TMEM233: variants seen among roughly 807,000 people sequenced by gnomAD.
TMEM233 encodes the protein dispanin subfamily B member 2.
Under a neutral mutation model 11.2 loss-of-function variants are expected in TMEM233, and 6 were observed. That is an observed-to-expected ratio of 0.54 (90% CI 0.29 to 1.06). The LOEUF is 1.06. TMEM233 is among the 50% of genes least tolerant of loss of function. The probability of loss-of-function intolerance (pLI) is 0.08; values close to 1 mark genes in which losing one functional copy is unlikely to be tolerated. For missense variants in TMEM233, 127 were observed against 144.7 expected (o/e 0.88, Z 0.63); for synonymous variants, 59 against 55.8 (o/e 1.06, Z -0.26).
Position 119,623,146 on chromosome 12 carries a change from C to T in TMEM233, c.187-6590C>T, listed in dbSNP as rs1272555614. 2.6e-5 allele frequency among the ~76,000 whole-genome samples: 4 copies of T among 152,190 alleles called. No homozygotes were observed. The East Asian group carries it at 5.8e-4, about 22-fold the overall frequency. On this transcript the variant is annotated intron_variant, in intron 1 of 2. Transcript: ENST00000426426. The stretch of plus-strand genomic sequence containing the variant: ...CACAGGTGATAGATGTACCCTTCTA[C>T]GTGACAGATTGGCTGTTCTTCCCAC...
At chr12:119,619,329 A>G (rs1374805842) in intron 1 of TMEM233, among the ~76,000 whole-genome samples, 11 of 152,178 alleles carry the variant, frequency 7.2e-5, no homozygotes, top group Non-Finnish European at 1.5e-5. Context: ...ACAAAATTCC[A>G]TAGAAGCATA....
chr12:119,625,060 T>C (rs1183883105), intron 1 of TMEM233, among the ~76,000 whole-genome samples: 1 of 152,216 alleles, frequency 6.6e-6, no homozygotes, highest in Non-Finnish European at 1.5e-5. Flanking sequence ...TTGTTTTTAG[T>C]TCTCGCTCTC....
At chr12:119,607,585 G>A (rs1368894090) in intron 1 of TMEM233, among the ~76,000 whole-genome samples, 1 of 150,020 alleles carries the variant, frequency 6.7e-6, no homozygotes, top group African/African-American at 2.5e-5. Flanking sequence ...AGGAGAACAA[G>A]GTTAGTAATT....
chr12:119,646,217 C>G (rs1454270111), downstream of TMEM233, among the ~76,000 whole-genome samples: 1 of 151,756 alleles, frequency 6.6e-6, no homozygotes, highest in East Asian at 1.9e-4. Context: ...ACCACCATGC[C>G]CAGCTAATTT....
intron 1 of TMEM233, among the ~76,000 whole-genome samples, chr12:119,624,346 T>G (rs1380791939): frequency 6.6e-6 from 1 of 150,902 alleles, no homozygotes; most frequent in Non-Finnish European, 1.5e-5. Context: ...GGTGACAGAA[T>G]GAGACCTCAT....
chr12:119,629,823 A>T lies in TMEM233; in HGVS notation c.274A>T (p.Ile92Phe). Reference protein sequence around the residue: ...AKWVAIASIIIGLLIIGISCA... With the variant: ...AKWVAIASIIFGLLIIGISCA... ...GTGGGTAGCCATCGCCTCCATCATC[A>T]TTGGCCTTCTCATCATCGGCATTTC... Residue 92 changes from isoleucine to phenylalanine, a missense_variant, in exon 2 of 3, where the codon ATT (isoleucine) becomes TTT (phenylalanine). Ile to Phe is a conservative substitution (Grantham distance 21). Transcript: ENST00000426426. The T allele has an allele frequency of 6.4e-7, 1 of 1,551,656 alleles. No homozygotes were observed. Among genetic ancestry groups the T allele is most frequent in the Non-Finnish European group, 8.7e-7 (1 of 1,146,964 alleles).
At chr12:119,618,623 G>A (rs563773027) in intron 1 of TMEM233, among the ~76,000 whole-genome samples, 1 of 152,206 alleles carries the variant, frequency 6.6e-6, no homozygotes, top group Non-Finnish European at 1.5e-5. Flanking sequence ...GAAATTTAAT[G>A]TTTAATGACT....
At chr12:119,650,939 G>A in the TMEM233 span, among the ~76,000 whole-genome samples, 8 of 152,140 alleles carry the variant, frequency 5.3e-5, no homozygotes, top group East Asian at 3.8e-4. Context: ...CACTGCTCCC[G>A]GCCTGCTTAT....
At chr12:119,640,627 C>A in intron 2 of TMEM233, 72 bp from the exon 3 acceptor site, 1 of 1,509,608 alleles carries the variant, frequency 6.6e-7, no homozygotes, top group Non-Finnish European at 9.0e-7. Context: ...AGGAAGGCAT[C>A]GAGCTGGGAA....
At chr12:119,651,890 T>G in the TMEM233 span, among the ~76,000 whole-genome samples, 1 of 149,506 alleles carries the variant, frequency 6.7e-6, no homozygotes, top group South Asian at 2.1e-4. Context: ...ATTTTTATTC[T>G]AATAAATGAA....
chr12:119,610,726 G>A (rs1954379981), intron 1 of TMEM233, among the ~76,000 whole-genome samples: 1 of 152,156 alleles, frequency 6.6e-6, no homozygotes, highest in Admixed American at 6.5e-5. Flanking sequence ...GGCTTCCCCA[G>A]CCATGTGGAG....
intron 1 of TMEM233, among the ~76,000 whole-genome samples, chr12:119,629,147 T>C (rs1008438243): frequency 1.3e-5 from 2 of 152,052 alleles, no homozygotes; most frequent in Admixed American, 6.5e-5. Context: ...TGGTGGCTCA[T>C]GCCTGTAATC....
intron 1 of TMEM233, among the ~76,000 whole-genome samples, chr12:119,615,163 C>T (rs1430389381): frequency 2.0e-5 from 2 of 101,078 alleles, no homozygotes; most frequent in South Asian, 4.0e-4. Flanking sequence ...TCAGTCTACC[C>T]GCTTTCTGCT....
intron 1 of TMEM233, among the ~76,000 whole-genome samples, chr12:119,626,659 G>A (rs549426430): frequency 2.8e-4 from 43 of 152,228 alleles, no homozygotes; most frequent in Admixed American, 7.2e-4. Flanking sequence ...TTTATCAGAA[G>A]GCACATGATG....
chr12:119,634,364 A>G, intron 2 of TMEM233: 1 of 728,726 alleles, frequency 1.4e-6, no homozygotes, highest in Non-Finnish European at 1.7e-6. Context: ...GTAATCCAAT[A>G]CCTTGGGCTG....
chr12:119,612,675 C>T (rs1461313053), intron 1 of TMEM233, among the ~76,000 whole-genome samples: 6 of 147,388 alleles, frequency 4.1e-5, no homozygotes, highest in African/African-American at 7.6e-5. Flanking sequence ...TGGCATGAAC[C>T]GGGAGGCGGA....
chr12:119,611,532 G>T (rs1203047880), intron 1 of TMEM233, among the ~76,000 whole-genome samples: 1 of 114,146 alleles, frequency 8.8e-6, no homozygotes, highest in Non-Finnish European at 1.8e-5. Context: ...TCTTTTTATT[G>T]TTGAGTTTAA....
chr12:119,633,597 T>C (rs1352646403), intron 2 of TMEM233, among the ~76,000 whole-genome samples: 1 of 151,692 alleles, frequency 6.6e-6, no homozygotes, highest in Non-Finnish European at 1.5e-5. Context: ...AAAAACTAAA[T>C]AAATAAATTT....
At chr12:119,652,709 G>T in the TMEM233 span, among the ~76,000 whole-genome samples, 2 of 152,232 alleles carry the variant, frequency 1.3e-5, no homozygotes, top group Non-Finnish European at 2.9e-5. Context: ...ATCCTTGGCT[G>T]ACTCAAACTG....
Sources: allele counts gnomAD v4.1 joint callset (sites outside exome capture counted in the v4.1 genomes callset), GRCh38; gene constraint gnomAD v4.1.1; transcripts MANE v1.5; gene names NCBI Gene and HGNC (gene_info 2026-07-23, HGNC 2026-07-21).